CTNND2: variants seen among roughly 807,000 people sequenced by gnomAD.
The protein encoded by CTNND2 is catenin delta 2.
A neutral mutation model predicts 144.4 loss-of-function variants in CTNND2; 22 were observed. The ratio of observed to expected loss-of-function variants is 0.15; its 90% CI spans 0.11 to 0.22. CTNND2 has a LOEUF of 0.22. CTNND2 is among the 10% of genes least tolerant of loss of function. The pLI is 1.00. For missense variants in CTNND2, 1,353 were observed against 1,618.8 expected (o/e 0.84, Z 2.82); for synonymous variants, 751 against 695.6 (o/e 1.08, Z -1.25).
intron 3 of CTNND2, among the ~76,000 whole-genome samples, chr5:11,518,826 G>A (rs1772445119): frequency 6.6e-6 from 1 of 152,078 alleles, no homozygotes; most frequent in South Asian, 2.1e-4. Context: ...GGTCTGTGTA[G>A]GTACACTCTA....
chr5:11,010,461 C>T (rs1198477597), intron 18 of CTNND2, among the ~76,000 whole-genome samples: 1 of 152,132 alleles, frequency 6.6e-6, no homozygotes, highest in Non-Finnish European at 1.5e-5. Context: ...CTTTCTAATT[C>T]TCACTGGAAT....
At chr5:11,070,121 T>C (rs1301960205) in intron 16 of CTNND2, among the ~76,000 whole-genome samples, 1 of 151,994 alleles carries the variant, frequency 6.6e-6, no homozygotes, top group Non-Finnish European at 1.5e-5. Context: ...TAAGAGAAAA[T>C]AAAGTTATCA....
chr5:11,861,063 T>C (rs965356886), intron 1 of CTNND2, among the ~76,000 whole-genome samples: 1 of 152,234 alleles, frequency 6.6e-6, no homozygotes, highest in Non-Finnish European at 1.5e-5. Flanking sequence ...AGAAAATGAC[T>C]TGAACAGAAA....
chr5:11,101,754 A>C (rs1751900784), intron 14 of CTNND2, among the ~76,000 whole-genome samples: 1 of 152,226 alleles, frequency 6.6e-6, no homozygotes, highest in South Asian at 2.1e-4. Flanking sequence ...ATAAAGAAGT[A>C]AAATGTCATC....
chr5:11,759,276 G>A (rs1233191257), intron 1 of CTNND2, among the ~76,000 whole-genome samples: 1 of 151,900 alleles, frequency 6.6e-6, no homozygotes, highest in Admixed American at 6.6e-5. Flanking sequence ...ATTTTACAAA[G>A]AGCAAAAATT....
intron 7 of CTNND2, among the ~76,000 whole-genome samples, chr5:11,379,341 G>A (rs73742822): frequency 0.017 from 2,587 of 152,092 alleles, 59 homozygotes; most frequent in African/African-American, 0.06. Context: ...CTCTAACTAT[G>A]CATCACGTAC....
chr5:11,698,361 C>G (rs567383909), intron 2 of CTNND2, among the ~76,000 whole-genome samples: 5 of 151,822 alleles, frequency 3.3e-5, no homozygotes, highest in Admixed American at 6.6e-5. Flanking sequence ...CGATCTCGGC[C>G]CCCTGAAACC....
At chr5:11,333,682 C>G (rs1753425817) in intron 9 of CTNND2, among the ~76,000 whole-genome samples, 1 of 152,186 alleles carries the variant, frequency 6.6e-6, no homozygotes, top group African/African-American at 2.4e-5. Flanking sequence ...TAGGGATGAC[C>G]TTCTCTGCTT....
chr5:11,139,356 A>G (rs1032020604), intron 12 of CTNND2, among the ~76,000 whole-genome samples: 1 of 152,232 alleles, frequency 6.6e-6, no homozygotes, highest in Non-Finnish European at 1.5e-5. Flanking sequence ...GTTAGAGTTC[A>G]GGACTGTGTG....
chr5:11,369,881 A>G (rs1389917410), intron 7 of CTNND2, among the ~76,000 whole-genome samples: 1 of 152,212 alleles, frequency 6.6e-6, no homozygotes. Flanking sequence ...TATGGTTCTC[A>G]GGCGGAGGGA....
chr5:11,058,789 G>A (rs1746611156), intron 16 of CTNND2, among the ~76,000 whole-genome samples: 1 of 141,842 alleles, frequency 7.1e-6, no homozygotes, highest in South Asian at 2.3e-4. Flanking sequence ...AAAGCCACAG[G>A]GGTGAAGCTG....
intron 1 of CTNND2, among the ~76,000 whole-genome samples, chr5:11,746,928 T>A (rs1048014792): frequency 1.1e-3 from 168 of 152,262 alleles, no homozygotes; most frequent in African/African-American, 3.9e-3. Flanking sequence ...TTAAATTAAA[T>A]CTATTAAGTA....
At chr5:11,126,679 C>A (rs2023923) in intron 12 of CTNND2, among the ~76,000 whole-genome samples, 26,849 of 152,134 alleles carry the variant, frequency 0.18, 4,080 homozygotes, top group East Asian at 0.45. Context: ...TTTGGGAACC[C>A]ATCTTCTTTG....
At chr5:11,294,752 T>C (rs1168522537) in intron 9 of CTNND2, among the ~76,000 whole-genome samples, 11 of 152,178 alleles carry the variant, frequency 7.2e-5, no homozygotes, top group Non-Finnish European at 1.5e-4. Flanking sequence ...TCTCAATAGA[T>C]GCAGAAAAGG....
rs772004387 is a variant in CTNND2 at position 11,585,888 on chromosome 5, A to T, written c.175-20832T>A. Reference sequence around the variant, plus strand: ...TAGGACGGTGCTTCATGCAAAGTCAACAGAAAATGCAGAATCCAAGTTCTA... The same window carrying T: ...TAGGACGGTGCTTCATGCAAAGTCATCAGAAAATGCAGAATCCAAGTTCTA... On this transcript the variant is annotated intron_variant, in intron 2 of 21. Coordinates refer to ENST00000304623, the MANE Select transcript of CTNND2 (RefSeq NM_001332.4). Among the ~76,000 whole-genome samples, 102 of 152,166 alleles carry T rather than the reference A, an allele frequency of 6.7e-4. 1 individual carries two copies. The highest frequency in any genetic ancestry group is 1.3e-3 in the Non-Finnish European group (87 of 68,034).
chr5:11,870,160 T>C (rs534029510), intron 1 of CTNND2, among the ~76,000 whole-genome samples: 1 of 152,308 alleles, frequency 6.6e-6, no homozygotes, highest in African/African-American at 2.4e-5. Context: ...GGAAAGCCTC[T>C]GCAAATCTAC....
At chr5:11,721,283 G>T (rs1786662610) in intron 2 of CTNND2, among the ~76,000 whole-genome samples, 1 of 152,154 alleles carries the variant, frequency 6.6e-6, no homozygotes, top group Admixed American at 6.5e-5. Flanking sequence ...GAAGCAGAAA[G>T]TATAATAGTG....
chr5:11,190,793 C>T lies in CTNND2; in HGVS notation c.1975+8655G>A, dbSNP rs573390137. 1.1e-3 allele frequency among the ~76,000 whole-genome samples: 175 copies of T among 152,240 alleles called. 5 individuals carry two copies. In the South Asian group the frequency reaches 0.034, roughly 29 times the overall value. ...CAAGCTAAAATATTTTCTATCTGTC[C>T]TTTTACTGAAAAAGCTTGCCAAGTC... On this transcript the variant is annotated intron_variant, in intron 11 of 21. Coordinates refer to ENST00000304623, the MANE Select transcript of CTNND2 (RefSeq NM_001332.4).
intron 12 of CTNND2, among the ~76,000 whole-genome samples, chr5:11,157,000 T>C (rs1758279981): frequency 1.3e-5 from 2 of 152,264 alleles, no homozygotes; most frequent in Middle Eastern, 3.4e-3. Flanking sequence ...CAGTCTCCTA[T>C]CCCATAACTT....
Sources: gnomAD v4.1 joint callset for allele counts (sites outside exome capture counted in the v4.1 genomes callset) on GRCh38, gnomAD v4.1.1 for gene constraint, MANE v1.5 for transcripts, NCBI Gene and HGNC (gene_info 2026-07-23, HGNC 2026-07-21) for gene names.